Variants in PTPRG observed in about 807,000 individuals in gnomAD.
PTPRG encodes the protein receptor-type tyrosine-protein phosphatase gamma.
Under a neutral mutation model 165.3 loss-of-function variants are expected in PTPRG, and 102 were observed. The observed-to-expected ratio is 0.62, with a 90% confidence interval of 0.53 to 0.73. The LOEUF is 0.73. PTPRG is among the 30% of genes least tolerant of loss of function. The pLI is 0.00. For synonymous variants in PTPRG, 675 were observed against 669.5 expected (o/e 1.01, Z -0.13); for missense variants, 1,866 against 1,861.4 (o/e 1.00, Z -0.05).
At chr3:61,592,514 G>A (rs191348771) in intron 1 of PTPRG, among the ~76,000 whole-genome samples, 23 of 152,224 alleles carry the variant, frequency 1.5e-4, no homozygotes, top group Middle Eastern at 3.4e-3. Flanking sequence ...AGGGTGAATG[G>A]ATGTTGCAGC....
At chr3:62,127,335 T>C (rs1233585424) in intron 5 of PTPRG, among the ~76,000 whole-genome samples, 1 of 152,178 alleles carries the variant, frequency 6.6e-6, no homozygotes, top group Non-Finnish European at 1.5e-5. Flanking sequence ...CGTGGCTCTT[T>C]AGGTAAGAGC....
At chr3:61,838,613 G>T (rs1447746236) in intron 2 of PTPRG, among the ~76,000 whole-genome samples, 1 of 152,152 alleles carries the variant, frequency 6.6e-6, no homozygotes, top group African/African-American at 2.4e-5. Flanking sequence ...GTATAAATCT[G>T]CTTGTATTTG....
chr3:61,961,885 T>C (rs560081139), intron 2 of PTPRG, among the ~76,000 whole-genome samples: 6 of 152,300 alleles, frequency 3.9e-5, no homozygotes, highest in African/African-American at 1.2e-4. Flanking sequence ...TTCCAGGTGA[T>C]GCGCATGTGG....
chr3:61,746,199 C>CA (rs1451443689), intron 1 of PTPRG, among the ~76,000 whole-genome samples: 6 of 141,888 alleles, frequency 4.2e-5, no homozygotes, highest in Non-Finnish European at 1.5e-5. Context: ...TGTGCCACCA[C>CA]ACACTCTAAT....
intron 5 of PTPRG, among the ~76,000 whole-genome samples, chr3:62,116,458 T>C (rs1702873247): frequency 6.6e-6 from 1 of 152,208 alleles, no homozygotes; most frequent in Non-Finnish European, 1.5e-5. Flanking sequence ...TAAATCTATC[T>C]TGATATTTTC....
At chr3:62,124,460 A>C (rs956109852) in intron 5 of PTPRG, 38 of 1,613,186 alleles carry the variant, frequency 2.4e-5, no homozygotes, top group Non-Finnish European at 3.1e-5. Context: ...GATGCTGGGC[A>C]CCAGCTCCTT....
At chr3:61,607,404 A>T (rs58169795) in intron 1 of PTPRG, among the ~76,000 whole-genome samples, 2,652 of 152,308 alleles carry the variant, frequency 0.017, 84 homozygotes, top group African/African-American at 0.06. Context: ...TTTGGGATCC[A>T]TTAAAACTGA....
At chr3:62,239,450 C>T (rs1701108925) in intron 14 of PTPRG, among the ~76,000 whole-genome samples, 1 of 148,160 alleles carries the variant, frequency 6.7e-6, no homozygotes, top group South Asian at 2.1e-4. Context: ...CAACCTCTGC[C>T]TCCCAGGTTC....
chr3:61,700,765 A>AT (rs991082206), intron 1 of PTPRG, among the ~76,000 whole-genome samples: 1 of 152,014 alleles, frequency 6.6e-6, no homozygotes, highest in Non-Finnish European at 1.5e-5. Context: ...AAATTCCCCT[A>AT]TTTTTTTCAC....
In PTPRG at chr3:61,895,543, T is replaced by C. The variant is rs778347516; in HGVS notation, c.191-94082T>C. Reference sequence around the variant, plus strand: ...TGTATAGGATTTTGACCTTAGAAACTGAGGAGCAATTATCCACATGTCTTA... The same window carrying C: ...TGTATAGGATTTTGACCTTAGAAACCGAGGAGCAATTATCCACATGTCTTA... On this transcript the variant is annotated intron_variant, in intron 2 of 29. Coordinates refer to ENST00000474889, the MANE Select transcript of PTPRG (RefSeq NM_002841.4). Among the ~76,000 whole-genome samples the C allele has an allele frequency of 2.0e-5, 3 of 152,206 alleles. No individual in the cohort carries two copies. In the South Asian group the frequency reaches 6.2e-4, roughly 31 times the overall value.
At chr3:62,269,271 A>C (rs1701982235) in intron 20 of PTPRG, 102 bp downstream of exon 20, 1 of 1,248,698 alleles carries the variant, frequency 8.0e-7, no homozygotes, top group Non-Finnish European at 1.1e-6. Context: ...CTTGGTTTTT[A>C]AAAAGTATTT....
chr3:61,577,507 A>G (rs977666175), intron 1 of PTPRG, among the ~76,000 whole-genome samples: 2 of 152,230 alleles, frequency 1.3e-5, no homozygotes, highest in African/African-American at 2.4e-5. Context: ...GACAAATGAA[A>G]AAAGAATGTG....
rs781269196 is a variant in PTPRG at position 62,267,837 on chromosome 3, C to T, written c.2874+18C>T. 3.7e-6 allele frequency: 6 copies of T among 1,609,610 alleles called. No homozygotes were observed. The East Asian group carries it at 1.3e-4, about 36-fold the overall frequency. On this transcript the variant is annotated intron_variant, in intron 19 of 29. Transcript: ENST00000474889. Reference sequence around the variant, plus strand: ...AAGGAAGAGTAAGAGCCTTTTGACTCACTATCTTAATAATGCACCTTCATT... The same window carrying T: ...AAGGAAGAGTAAGAGCCTTTTGACTTACTATCTTAATAATGCACCTTCATT...
chr3:61,726,287 G>A (rs1179802805), intron 1 of PTPRG, among the ~76,000 whole-genome samples: 1 of 152,114 alleles, frequency 6.6e-6, no homozygotes, highest in Admixed American at 6.5e-5. Context: ...TCTTTCAAGC[G>A]AAAGGGTCTT....
At chr3:62,126,814 C>T (rs1044173642) in intron 5 of PTPRG, among the ~76,000 whole-genome samples, 10 of 152,228 alleles carry the variant, frequency 6.6e-5, no homozygotes, top group Non-Finnish European at 1.2e-4. Context: ...TCATCACTCT[C>T]AATTGTGTCT....
chr3:62,023,477 C>T lies in PTPRG; in HGVS notation c.519+19980C>T, dbSNP rs550272404. Among the ~76,000 whole-genome samples the T allele has an allele frequency of 2.4e-3, 365 of 152,200 alleles. 2 individuals are homozygous for T. The highest frequency in any genetic ancestry group is 8.5e-3 in the African/African-American group (353 of 41,512). ...TGGGATTTCTCCAGTCATTTTTCTT[C>T]TAAAGTTGTAAGTGCTCCATCTGGT... On this transcript the variant is annotated intron_variant, in intron 4 of 29. Transcript: ENST00000474889.
intron 5 of PTPRG, among the ~76,000 whole-genome samples, chr3:62,079,630 A>G (rs534960856): frequency 1.3e-5 from 2 of 152,300 alleles, no homozygotes; most frequent in South Asian, 2.1e-4. Flanking sequence ...TATGCTATGT[A>G]TTGGTCTAAT....
chr3:61,703,248 A>G (rs776633832), intron 1 of PTPRG, among the ~76,000 whole-genome samples: 2 of 152,002 alleles, frequency 1.3e-5, no homozygotes, highest in African/African-American at 4.8e-5. Context: ...GTGCCACACC[A>G]TTAAACTGCC....
At chr3:61,788,884 A>T (rs1012902598) in intron 2 of PTPRG, among the ~76,000 whole-genome samples, 3 of 152,208 alleles carry the variant, frequency 2.0e-5, no homozygotes, top group African/African-American at 4.8e-5. Flanking sequence ...ACCCTTTTCT[A>T]GATGAAGGCT....
Sources: allele counts gnomAD v4.1 joint callset (sites outside exome capture counted in the v4.1 genomes callset), GRCh38; gene constraint gnomAD v4.1.1; transcripts MANE v1.5; gene names NCBI Gene and HGNC (gene_info 2026-07-23, HGNC 2026-07-21).